Variants in TMEM130 observed in about 807,000 individuals in gnomAD.
The protein encoded by TMEM130 is transmembrane protein 130.
In TMEM130, 37 loss-of-function variants were observed where a neutral mutation model predicts 42.9. That is an observed-to-expected ratio of 0.86 (90% confidence interval 0.66 to 1.13). The LOEUF (loss-of-function observed/expected upper bound fraction) is 1.13. Among genes scored for constraint, TMEM130 ranks in the 50% most tolerant of loss-of-function variants. The pLI is 0.00. For missense variants in TMEM130, 545 were observed against 562.6 expected, an observed-to-expected ratio of 0.97 and a Z score of 0.32; for synonymous variants, 259 against 237.7, an observed-to-expected ratio of 1.09 and a Z score of -0.82.
chr7:98,855,897 C>G (rs111281487), intron 4 of TMEM130, 120 bp downstream of exon 4: 1 of 1,196,130 alleles, frequency 8.4e-7, no homozygotes, highest in Non-Finnish European at 1.2e-6. Flanking sequence ...AGACGCTCCT[C>G]AGAGGTCTGT....
chr7:98,860,654 G>A (rs550218679), intron 2 of TMEM130, among the ~76,000 whole-genome samples: 15 of 152,210 alleles, frequency 9.9e-5, no homozygotes, highest in Admixed American at 4.6e-4. Flanking sequence ...AGGTCAGAAG[G>A]AAATGCATGG....
intron 3 of TMEM130, among the ~76,000 whole-genome samples, chr7:98,859,486 G>C (rs776752862): frequency 6.6e-6 from 1 of 152,154 alleles, no homozygotes; most frequent in Non-Finnish European, 1.5e-5. Flanking sequence ...GGCAGGGCTA[G>C]TGGCTGATTC....
intron 5 of TMEM130, among the ~76,000 whole-genome samples, chr7:98,851,853 C>A (rs73404949): frequency 0.013 from 2,038 of 152,178 alleles, 54 homozygotes; most frequent in African/African-American, 0.047. Flanking sequence ...AACAGAGATA[C>A]GCATAGACTG....
At chr7:98,853,658 C>T (rs549380410) in intron 5 of TMEM130, among the ~76,000 whole-genome samples, 1 of 152,158 alleles carries the variant, frequency 6.6e-6, no homozygotes, top group Non-Finnish European at 1.5e-5. Context: ...AACGCCTGGG[C>T]CCTGACCACT....
chr7:98,869,403 C>G lies in TMEM130; in HGVS notation c.85+374G>C. 1 of 1,197,470 alleles carries G rather than the reference C, an allele frequency of 8.4e-7. No individual in the cohort carries two copies. The highest frequency in any genetic ancestry group is 1.6e-5 in the African/African-American group (1 of 61,640). The allele number at this position is 1,197,470 out of a possible 1,614,324, so 74.2% of individuals were successfully genotyped here. The stretch of plus-strand genomic sequence containing the variant: ...CCTGGGGGACTGGGGAATTGTGGCG[C>G]GATGACGGACCCTGGCGCATCCCCG... On this transcript the variant is annotated intron_variant, in intron 1 of 7. Coordinates refer to ENST00000339375, the MANE Select transcript of TMEM130 (RefSeq NM_152913.3). This position sits in a 1 kb window ranked among gnomAD's most constrained non-coding sequence, Gnocchi z 4.7.
At position 98,856,129 on chromosome 7, in the gene TMEM130, C is replaced by A. The variant is rs1554398975; in HGVS notation, c.606G>T (p.Gly202=). The stretch of plus-strand genomic sequence containing the variant: ...CCACTTTGAGCTTCACGGTGAAGGT[C>A]CCGATGATGGAATAGTTATAATAGA... ...SVVYYNYSII[G]TFTVKLKVVA... is the part of the protein sequence containing the mutation. Residue 202 remains glycine, a synonymous_variant, in exon 4 of 8, where the codon GGG becomes GGT. Transcript: ENST00000339375. The A allele has an allele frequency of 6.2e-7, 1 of 1,614,046 alleles. No homozygotes were observed. The highest frequency in any genetic ancestry group is 1.1e-5 in the South Asian group (1 of 91,074).
At chr7:98,861,303 A>G (rs1338276486) in intron 2 of TMEM130, among the ~76,000 whole-genome samples, 1 of 151,752 alleles carries the variant, frequency 6.6e-6, no homozygotes, top group Non-Finnish European at 1.5e-5. Context: ...GCGCCACTGC[A>G]CTCCAGCCTG....
Position 98,869,732 on chromosome 7 carries a change from G to A in TMEM130, c.85+45C>T, listed in dbSNP as rs1554401082. 3.8e-6 allele frequency: 5 copies of A among 1,313,040 alleles called. No individual in the cohort carries two copies. The highest frequency in any genetic ancestry group is 3.9e-6 in the Non-Finnish European group (4 of 1,020,730). The allele number at this position is 1,313,040 out of a possible 1,614,324, so 81.3% of individuals were successfully genotyped here. Reference sequence around the variant, plus strand: ...GCCCGCTGAGACGGTTCCAGGCCCCGGGCGGGCTGCGGCTGCAGGGAGGCC... The same window carrying A: ...GCCCGCTGAGACGGTTCCAGGCCCCAGGCGGGCTGCGGCTGCAGGGAGGCC... On this transcript the variant is annotated intron_variant, in intron 1 of 7. Transcript: ENST00000339375. This position sits in a 1 kb window ranked among gnomAD's most constrained non-coding sequence, Gnocchi z 4.7.
chr7:98,853,113 C>T (rs1554398499), intron 5 of TMEM130, among the ~76,000 whole-genome samples: 1 of 152,156 alleles, frequency 6.6e-6, no homozygotes, highest in Non-Finnish European at 1.5e-5. Flanking sequence ...ACTAGGTCCG[C>T]AGGAAAAGCC....
chr7:98,855,397 G>A (rs1794606160), intron 4 of TMEM130, 73 bp from the exon 5 acceptor site: 1 of 1,382,502 alleles, frequency 7.2e-7, no homozygotes, highest in Admixed American at 2.0e-5. Context: ...GCACAGGGTG[G>A]TGCGACTGCC....
chr7:98,864,971 C>A (rs973744720), intron 1 of TMEM130, among the ~76,000 whole-genome samples: 5 of 152,224 alleles, frequency 3.3e-5, no homozygotes, highest in African/African-American at 4.8e-5. Context: ...TTCCCGACAG[C>A]TGAGTCCACT....
At chr7:98,862,953 C>G in intron 2 of TMEM130, 142 bp downstream of exon 2, 1 of 917,252 alleles carries the variant, frequency 1.1e-6, no homozygotes, top group Non-Finnish European at 1.7e-6. Flanking sequence ...TCTAACTCGA[C>G]TGACCCGGGG....
intron 7 of TMEM130, 112 bp from the exon 8 acceptor site, chr7:98,848,320 G>A (rs1794409880): frequency 7.6e-7 from 1 of 1,320,918 alleles, no homozygotes; most frequent in Non-Finnish European, 1.1e-6. Context: ...GAGCTCAGCT[G>A]CCTGGTGGCA....
At position 98,856,121 on chromosome 7, in the gene TMEM130, G is replaced by A. The variant is rs781997517; in HGVS notation, c.614C>T (p.Thr205Ile). Residue 205 changes from threonine to isoleucine, a missense_variant, in exon 4 of 8, where the codon ACC becomes ATC. Transcript: ENST00000339375. ...YYNYSIIGTF[T>I]VKLKVVAEWE... ...CTCCGCCACCACTTTGAGCTTCACG[G>A]TGAAGGTCCCGATGATGGAATAGTT... 7.4e-6 allele frequency: 12 copies of A among 1,613,920 alleles called. No individual in the cohort carries two copies. Among genetic ancestry groups the A allele is most frequent in the Non-Finnish European group, 5.9e-6 (7 of 1,180,062 alleles).
chr7:98,848,400 G>C (rs1360028786), intron 7 of TMEM130, among the ~76,000 whole-genome samples, 183 bp downstream of exon 7: 2 of 152,142 alleles, frequency 1.3e-5, no homozygotes, highest in Admixed American at 6.6e-5. Flanking sequence ...AATCAGATGG[G>C]ACACCAACTT....
intron 1 of TMEM130, among the ~76,000 whole-genome samples, chr7:98,868,619 T>G (rs1397122129): frequency 6.6e-6 from 1 of 152,002 alleles, no homozygotes; most frequent in Admixed American, 6.6e-5. Flanking sequence ...AGGGGAAGGG[T>G]AGAAAAGTCT....
chr7:98,863,210 G>T lies in TMEM130; in HGVS notation c.276C>A (p.Thr92=). The change falls in exon 2 of 8, where the codon ACC becomes ACA. Residue 92 remains threonine (T), a synonymous_variant. Transcript: ENST00000339375. ...TGKMEKGLSS[T]IRVVGHVPGE... ...CGGGCACGTGGCCGACCACACGGAT[G>T]GTGGAGCTGAGACCCTTCTCCATCT... The T allele has an allele frequency of 1.9e-6, 3 of 1,614,134 alleles. No homozygotes were observed. The highest frequency in any genetic ancestry group is 2.5e-6 in the Non-Finnish European group (3 of 1,180,020).
chr7:98,854,132 G>A (rs1255895564), intron 5 of TMEM130, among the ~76,000 whole-genome samples: 1 of 151,054 alleles, frequency 6.6e-6, no homozygotes, highest in African/African-American at 2.4e-5. Flanking sequence ...CCATCTCCCA[G>A]GTTCAAGCAA....
At chr7:98,855,641 A>G (rs1039877870) in intron 4 of TMEM130, among the ~76,000 whole-genome samples, 5 of 152,170 alleles carry the variant, frequency 3.3e-5, no homozygotes, top group Non-Finnish European at 7.3e-5. Flanking sequence ...CAGCTGCCCA[A>G]GGGCTCCCTC....
Sources: allele counts gnomAD v4.1 joint callset (sites outside exome capture counted in the v4.1 genomes callset), GRCh38; gene constraint gnomAD v4.1.1; non-coding constraint Gnocchi (gnomAD v3.1); transcripts MANE v1.5; gene names NCBI Gene and HGNC (gene_info 2026-07-23, HGNC 2026-07-21).